ADGRL4: variants seen among roughly 807,000 people sequenced by gnomAD.
The protein encoded by ADGRL4 is adhesion G protein-coupled receptor L4, also known as EGF, latrophilin and seven transmembrane domain containing 1.
ADGRL4 carries 90 observed loss-of-function variants against 74.8 expected under a neutral mutation model. The observed-to-expected ratio is 1.20, with a 90% CI of 1.02 to 1.43. The LOEUF (loss-of-function observed/expected upper bound fraction) is 1.43. Ranked by LOEUF, ADGRL4 falls within the 40% of genes most tolerant of loss-of-function variation. The pLI is 0.00. For missense variants in ADGRL4, 881 were observed against 814.3 expected, an observed-to-expected ratio of 1.08 and a Z score of -1.00; for synonymous variants, 311 against 279.2, an observed-to-expected ratio of 1.11 and a Z score of -1.14.
At chr1:78,945,176 A>AT (rs780766687) in intron 3 of ADGRL4, among the ~76,000 whole-genome samples, 3,199 of 131,064 alleles carry the variant, frequency 0.024, 76 homozygotes, top group African/African-American at 0.069. Context: ...AAAAAAAAAA[A>AT]AATATATATA....
At chr1:78,892,124 A>G (rs1648290707) in intron 13 of ADGRL4, among the ~76,000 whole-genome samples, 2 of 152,188 alleles carry the variant, frequency 1.3e-5, no homozygotes, top group Admixed American at 6.6e-5. Context: ...GACTGGGGTC[A>G]GCACATATCT....
intron 12 of ADGRL4, among the ~76,000 whole-genome samples, chr1:78,905,377 A>G (rs936068067): frequency 4.6e-5 from 7 of 152,062 alleles, no homozygotes; most frequent in African/African-American, 1.7e-4. Flanking sequence ...ACATATTCAT[A>G]ATTAATCCAT....
intron 2 of ADGRL4, among the ~76,000 whole-genome samples, chr1:78,971,632 C>T (rs1317853976): frequency 6.6e-6 from 1 of 152,182 alleles, no homozygotes; most frequent in Non-Finnish European, 1.5e-5. Context: ...AATGTCATGG[C>T]CGTGTGGCAA....
At chr1:78,892,419 C>A (rs112156427) in intron 13 of ADGRL4, among the ~76,000 whole-genome samples, 2,236 of 152,216 alleles carry the variant, frequency 0.015, 56 homozygotes, top group African/African-American at 0.052. Context: ...TGATTATTCT[C>A]TCATTCATTT....
chr1:78,972,278 A>C (rs1194025035), intron 2 of ADGRL4, among the ~76,000 whole-genome samples: 1 of 152,180 alleles, frequency 6.6e-6, no homozygotes, highest in Non-Finnish European at 1.5e-5. Context: ...ACTGGATTTT[A>C]TGTCAGTATG....
intron 2 of ADGRL4, among the ~76,000 whole-genome samples, chr1:78,991,095 A>G (rs1650599955): frequency 6.6e-6 from 1 of 152,044 alleles, no homozygotes; most frequent in Non-Finnish European, 1.5e-5. Context: ...TTCCTTCCCC[A>G]TGCTAGTTGT....
At chr1:78,902,690 G>T (rs1049940256) in intron 12 of ADGRL4, among the ~76,000 whole-genome samples, 3 of 152,152 alleles carry the variant, frequency 2.0e-5, no homozygotes, top group Non-Finnish European at 4.4e-5. Context: ...TTGCCTTTGA[G>T]AAATAATTAA....
intron 2 of ADGRL4, among the ~76,000 whole-genome samples, chr1:78,993,600 G>A (rs1163148843): frequency 6.8e-6 from 1 of 147,406 alleles, no homozygotes; most frequent in Non-Finnish European, 1.5e-5. Context: ...ATGGAGTCTC[G>A]CTCTCTCACC....
At chr1:78,897,480 A>G (rs1648422209) in intron 12 of ADGRL4, among the ~76,000 whole-genome samples, 2 of 152,090 alleles carry the variant, frequency 1.3e-5, no homozygotes, top group Non-Finnish European at 2.9e-5. Context: ...TCTTCTCAGT[A>G]ATTATTCCAT....
chr1:78,924,571 G>T (rs1649074274), intron 8 of ADGRL4, among the ~76,000 whole-genome samples: 1 of 152,026 alleles, frequency 6.6e-6, no homozygotes, highest in Admixed American at 6.6e-5. Flanking sequence ...GCCTTGGAAA[G>T]GATGTCTCCA....
intron 2 of ADGRL4, among the ~76,000 whole-genome samples, chr1:78,958,505 T>C (rs1649878379): frequency 6.6e-6 from 1 of 152,104 alleles, no homozygotes; most frequent in Admixed American, 6.6e-5. Flanking sequence ...AAGACTTCAG[T>C]GGAGGAAGTA....
intron 3 of ADGRL4, among the ~76,000 whole-genome samples, chr1:78,944,213 C>A (rs563790891): frequency 1.3e-5 from 2 of 152,172 alleles, no homozygotes; most frequent in Admixed American, 1.3e-4. Flanking sequence ...AGACAGATGT[C>A]TTCTACAGAC....
intron 3 of ADGRL4, among the ~76,000 whole-genome samples, 157 bp downstream of exon 3, chr1:78,946,117 C>T (rs1202775473): frequency 6.6e-6 from 1 of 152,122 alleles, no homozygotes; most frequent in African/African-American, 2.4e-5. Flanking sequence ...GACTTTAAAA[C>T]ACTGGAGAAA....
At chr1:78,924,063 T>C (rs1335953813) in intron 8 of ADGRL4, among the ~76,000 whole-genome samples, 1 of 151,850 alleles carries the variant, frequency 6.6e-6, no homozygotes, top group Non-Finnish European at 1.5e-5. Context: ...ATCCCAAAAC[T>C]TTACAAGAGA....
chr1:78,933,547 C>T (rs1007660116), intron 7 of ADGRL4, among the ~76,000 whole-genome samples: 3 of 151,404 alleles, frequency 2.0e-5, no homozygotes, highest in Non-Finnish European at 4.4e-5. Context: ...TTTCACCACT[C>T]TTATTCAATG....
At chr1:78,993,887 TC>T (rs1334010620) in intron 2 of ADGRL4, among the ~76,000 whole-genome samples, 1 of 152,164 alleles carries the variant, frequency 6.6e-6, no homozygotes, top group Non-Finnish European at 1.5e-5. Flanking sequence ...ATTTCATTTT[TC>T]TAAGTGCCAG....
intron 2 of ADGRL4, among the ~76,000 whole-genome samples, chr1:78,970,246 A>G (rs1000687853): frequency 6.6e-6 from 1 of 152,210 alleles, no homozygotes; most frequent in African/African-American, 2.4e-5. Flanking sequence ...CCTAGGAAGG[A>G]AAATTGGATC....
chr1:78,936,414 G>A lies in ADGRL4; in HGVS notation c.761-3C>T. ...ATCAAAAAAGAAAACTTTGAGAGCT[G>A]AAACAAAACCATGAAAATAAAAAAA... On this transcript the variant is annotated splice_polypyrimidine_tract_variant and splice_region_variant and intron_variant, in intron 6 of 14. Coordinates refer to ENST00000370742, the MANE Select transcript of ADGRL4 (RefSeq NM_022159.4). 6.4e-7 allele frequency: 1 copy of A among 1,558,488 alleles called. No individual in the cohort carries two copies. The highest frequency in any genetic ancestry group is 8.6e-7 in the Non-Finnish European group (1 of 1,158,246).
rs142607368 is a variant in ADGRL4, at chr1:78,945,801, T to A, written c.325+473A>T. Reference sequence around the variant, plus strand: ...ACTTAATGCATATCTGAAGTGTGACTTTTATTAAAGCAGAGGTAAAACCAC... The same window carrying A: ...ACTTAATGCATATCTGAAGTGTGACATTTATTAAAGCAGAGGTAAAACCAC... On this transcript the variant is annotated intron_variant, in intron 3 of 14. Coordinates refer to ENST00000370742, the MANE Select transcript of ADGRL4 (RefSeq NM_022159.4). Among the ~76,000 whole-genome samples the A allele has an allele frequency of 3.3e-4, 50 of 150,818 alleles. No homozygotes were observed. The East Asian group carries it at 9.7e-3, about 29-fold the overall frequency.
Sources: gnomAD v4.1 joint callset for allele counts (sites outside exome capture counted in the v4.1 genomes callset) on GRCh38, gnomAD v4.1.1 for gene constraint, MANE v1.5 for transcripts, NCBI Gene and HGNC (gene_info 2026-07-23, HGNC 2026-07-21) for gene names.